ITGB1: variants seen among roughly 807,000 people sequenced by gnomAD.
ITGB1 encodes the protein integrin subunit beta 1.
A neutral mutation model predicts 86.5 loss-of-function variants in ITGB1; 24 were observed. The observed-to-expected ratio is 0.28, with a 90% confidence interval of 0.20 to 0.39. The LOEUF is 0.39. ITGB1 is among the 10% of genes least tolerant of loss of function. The pLI is 1.00. For missense variants in ITGB1, 556 were observed against 946.9 expected, an observed-to-expected ratio of 0.59 and a Z score of 5.42; for synonymous variants, 323 against 316.8, an observed-to-expected ratio of 1.02 and a Z score of -0.21.
intron 1 of ITGB1, among the ~76,000 whole-genome samples, chr10:32,945,970 A>G (rs9971211): frequency 0.082 from 12,502 of 152,072 alleles, 641 homozygotes; most frequent in African/African-American, 0.14. Context: ...TTGAAAATAC[A>G]TATGTATTGA....
At chr10:32,904,000 G>T in intron 15 of ITGB1, among the ~76,000 whole-genome samples, 1 of 128,968 alleles carries the variant, frequency 7.8e-6, no homozygotes, top group East Asian at 2.5e-4. Context: ...TATAAGGGAA[G>T]GACAAAAAAA....
chr10:32,908,679 T>C (rs893280602), intron 14 of ITGB1, 145 bp from the exon 15 acceptor site: 9 of 581,062 alleles, frequency 1.5e-5, no homozygotes, highest in Non-Finnish European at 2.3e-5. Flanking sequence ...CAAGTGAGTT[T>C]ACAAGGTTGC....
At chr10:32,903,420 C>A (rs1272006307) in intron 15 of ITGB1, among the ~76,000 whole-genome samples, 2 of 140,128 alleles carry the variant, frequency 1.4e-5, no homozygotes. Context: ...GGTGAGGAGA[C>A]AAAGGAAGAA....
At chr10:32,943,754 G>A (rs573903143) in intron 1 of ITGB1, among the ~76,000 whole-genome samples, 111 of 152,178 alleles carry the variant, frequency 7.3e-4, no homozygotes, top group Non-Finnish European at 1.3e-3. Flanking sequence ...CTGGTGTGCA[G>A]GCAGTTTATT....
At chr10:32,955,249 C>A (rs1420679847) in intron 1 of ITGB1, among the ~76,000 whole-genome samples, 1 of 152,200 alleles carries the variant, frequency 6.6e-6, no homozygotes, top group Admixed American at 6.5e-5. Flanking sequence ...AGAGTAAACA[C>A]TGCTAATACA....
intron 1 of ITGB1, among the ~76,000 whole-genome samples, chr10:32,953,397 C>G (rs528532903): frequency 6.6e-6 from 1 of 152,276 alleles, no homozygotes; most frequent in East Asian, 1.9e-4. Flanking sequence ...TTTCAGGTAA[C>G]TGGTACTCAA....
chr10:32,935,439 G>T, intron 2 of ITGB1, 53 bp downstream of exon 2: 1 of 1,102,868 alleles, frequency 9.1e-7, no homozygotes, highest in Non-Finnish European at 1.4e-6. Flanking sequence ...TGGTCAAAGC[G>T]CAATACAAGA....
At position 32,910,373 on chromosome 10, in the gene ITGB1, T is replaced by C. The variant is rs1330009356; in HGVS notation, c.2014A>G (p.Lys672Glu). 1.2e-6 allele frequency: 2 copies of C among 1,600,654 alleles called. No homozygotes were observed. Among genetic ancestry groups the C allele is most frequent in the Non-Finnish European group, 1.7e-6 (2 of 1,168,012 alleles). The change falls in exon 14 of 16, where the codon AAG becomes GAG. Residue 672 changes from lysine (K) to glutamate (E), a missense_variant. Lys to Glu is a moderately conservative substitution (Grantham distance 56). Transcript: ENST00000302278. Reference protein sequence around the residue: ...TQECSYFNITKVESRDKLPQP... With the variant: ...TQECSYFNITEVESRDKLPQP... ...GGTAATTTGTCCCGACTTTCTACCT[T>C]GGTAATGTTAAAATAGGAACATTCC...
intron 9 of ITGB1, among the ~76,000 whole-genome samples, chr10:32,922,050 A>C (rs979138732): frequency 6.6e-6 from 1 of 152,202 alleles, no homozygotes; most frequent in African/African-American, 2.4e-5. Context: ...ACATGCCTTT[A>C]TCACATTTTC....
intron 11 of ITGB1, among the ~76,000 whole-genome samples, chr10:32,917,782 G>A (rs2137190347): frequency 6.6e-6 from 1 of 152,330 alleles, no homozygotes; most frequent in Middle Eastern, 3.4e-3. Flanking sequence ...GGAAGACAGT[G>A]TAGCGATTCC....
intron 15 of ITGB1, among the ~76,000 whole-genome samples, chr10:32,904,512 G>A (rs1322371286): frequency 6.6e-6 from 1 of 152,178 alleles, no homozygotes; most frequent in East Asian, 1.9e-4. Context: ...CACTCCAACA[G>A]TTAGAAGCTG....
intron 1 of ITGB1, among the ~76,000 whole-genome samples, chr10:32,941,455 C>T (rs2095018019): frequency 6.6e-6 from 1 of 152,090 alleles, no homozygotes; most frequent in Non-Finnish European, 1.5e-5. Flanking sequence ...TGAAGTATTT[C>T]TGAGACTTAA....
chr10:32,922,940 CAG>C (rs1565824592), intron 7 of ITGB1, among the ~76,000 whole-genome samples: 14 of 152,094 alleles, frequency 9.2e-5, no homozygotes. Context: ...TTTCAAATAA[CAG>C]TATCAAATAT....
intron 1 of ITGB1, among the ~76,000 whole-genome samples, chr10:32,945,667 C>T (rs2095029861): frequency 6.6e-6 from 1 of 151,868 alleles, no homozygotes; most frequent in Admixed American, 6.6e-5. Flanking sequence ...AGTTACATGT[C>T]ATTTGGGGAA....
At chr10:32,944,957 C>T in intron 1 of ITGB1, 1 of 1,150,872 alleles carries the variant, frequency 8.7e-7, no homozygotes, top group Non-Finnish European at 1.3e-6. Flanking sequence ...AGCTTTTCTA[C>T]AAACTAAAGT....
intron 14 of ITGB1, among the ~76,000 whole-genome samples, chr10:32,908,844 T>G (rs2094904721): frequency 6.6e-6 from 1 of 152,168 alleles, no homozygotes; most frequent in Non-Finnish European, 1.5e-5. Context: ...ATATGCAAGA[T>G]TTGCATGTTA....
chr10:32,935,832 T>C (rs2137240743), intron 1 of ITGB1: 2 of 280,892 alleles, frequency 7.1e-6, no homozygotes, highest in Non-Finnish European at 6.7e-6. Context: ...TATTTTAACA[T>C]TTAATTAACA....
chr10:32,907,217 A>C, intron 15 of ITGB1: 1 of 495,614 alleles, frequency 2.0e-6, no homozygotes, highest in South Asian at 1.9e-5. Flanking sequence ...GAACACTATA[A>C]ATGTCTTTTT....
At chr10:32,913,110 A>G (rs2094918982) in intron 11 of ITGB1, among the ~76,000 whole-genome samples, 1 of 152,246 alleles carries the variant, frequency 6.6e-6, no homozygotes, top group Admixed American at 6.5e-5. Context: ...CCTGACTGTT[A>G]GAAGGAAAAC....
Sources: allele counts gnomAD v4.1 joint callset (sites outside exome capture counted in the v4.1 genomes callset), GRCh38; gene constraint gnomAD v4.1.1; transcripts MANE v1.5; gene names NCBI Gene and HGNC (gene_info 2026-07-23, HGNC 2026-07-21).